Variants in PRELID3B observed in about 807,000 individuals in gnomAD.
The protein encoded by PRELID3B is PRELI domain containing protein 3B.
Under a neutral mutation model 24.0 loss-of-function variants are expected in PRELID3B, and 15 were observed. The ratio of observed to expected loss-of-function variants is 0.63; its 90% confidence interval spans 0.42 to 0.96. The LOEUF (loss-of-function observed/expected upper bound fraction) is 0.96, where lower values mean the gene tolerates loss of function less well. PRELID3B is among the 40% of genes least tolerant of loss of function. The pLI is 0.00. For synonymous variants in PRELID3B, 62 were observed against 76.0 expected, an observed-to-expected ratio of 0.82 and a Z score of 0.96; for missense variants, 189 against 236.0, an observed-to-expected ratio of 0.80 and a Z score of 1.30.
In PRELID3B at chr20:59,036,473, T is replaced by C. The variant is rs1350146419; in HGVS notation, c.463A>G (p.Lys155Glu). 1 of 1,606,626 alleles carries C rather than the reference T, an allele frequency of 6.2e-7. No individual in the cohort carries two copies. The highest frequency in any genetic ancestry group is 1.7e-5 in the Admixed American group (1 of 60,024). Reference protein sequence around the residue: ...MASTISSNASKGREAMEWVIH... With the variant: ...MASTISSNASEGREAMEWVIH... The stretch of plus-strand genomic sequence containing the variant: ...AACCAAGAAGCAGCCTCACTTACTT[T>C]ACTAGCATTTGAGGATATCGTACTT... The change falls in exon 5 of 6, where the codon AAA (lysine) becomes GAA (glutamate). Residue 155 changes from lysine (K) to glutamate (E), a missense_variant and splice_region_variant. Transcript: ENST00000355937.
chr20:59,039,486 A>G (rs562419334), intron 1 of PRELID3B, among the ~76,000 whole-genome samples: 1 of 152,368 alleles, frequency 6.6e-6, no homozygotes, highest in African/African-American at 2.4e-5. Context: ...TGTACAAAAA[A>G]TATCATTTTC....
rs1321167991 is a variant in PRELID3B at position 59,034,952 on chromosome 20, T to C, written c.*55A>G. ...GTATTTTTAAAATAACAAATAAATA[T>C]ATAGTCAGTTTGGAGAGACCTGGAG... is the stretch of plus-strand genomic sequence containing the variant. On this transcript the variant is annotated 3_prime_UTR_variant, in exon 6 of 6. Coordinates refer to ENST00000355937, the MANE Select transcript of PRELID3B (RefSeq NM_016045.3). 7.9e-6 allele frequency: 11 copies of C among 1,399,830 alleles called. No homozygotes were observed. The highest frequency in any genetic ancestry group is 7.8e-5 in the East Asian group (3 of 38,412). The allele number at this position is 1,399,830 out of a possible 1,614,324, so 86.7% of individuals were successfully genotyped here.
chr20:59,036,320 A>G (rs2092071727), intron 5 of PRELID3B, 151 bp downstream of exon 5: 1 of 618,138 alleles, frequency 1.6e-6, no homozygotes, highest in Admixed American at 2.9e-5. Flanking sequence ...ATGTGAACCC[A>G]GAGCCTTTGT....
rs34173406 is a variant in PRELID3B at position 59,034,890 on chromosome 20, C to CA, written c.*116dup. 190,482 of 657,094 alleles carry CA rather than the reference C, an allele frequency of 0.29. 9,764 individuals are homozygous for CA. The highest frequency in any genetic ancestry group is 0.38 in the Admixed American group (7,722 of 20,334). 40.7% of individuals were successfully genotyped at this position (657,094 alleles called of 1,614,324 possible). The stretch of plus-strand genomic sequence containing the variant: ...GTCACATAGCCTTACACCAACTTAT[C>CA]AAAAAAAAAAAAAAAAAAACTACCC... On this transcript the variant is annotated 3_prime_UTR_variant, in exon 6 of 6. Coordinates refer to ENST00000355937, the MANE Select transcript of PRELID3B (RefSeq NM_016045.3).
chr20:59,036,432 T>G (rs2092072631), intron 5 of PRELID3B, 39 bp downstream of exon 5: 1 of 1,450,360 alleles, frequency 6.9e-7, no homozygotes, highest in South Asian at 1.1e-5. Flanking sequence ...TCCCAGGAAA[T>G]GAACCAGGGA....
chr20:59,036,773 GA>G lies in PRELID3B; in HGVS notation c.292-14del, dbSNP rs767856307. 0.04 allele frequency: 40,291 copies of G among 1,005,214 alleles called. 1 individual carries two copies. Among genetic ancestry groups the G allele is most frequent in the South Asian group, 0.054 (2,711 of 50,306 alleles). The allele number at this position is 1,005,214 out of a possible 1,614,324, so 62.3% of individuals were successfully genotyped here. ...TTGTAAATGAAATCTACAGAATGAA[GA>G]AAAAAAAAAAAGATCAAATCATTTT... is the stretch of plus-strand genomic sequence containing the variant. On this transcript the variant is annotated splice_polypyrimidine_tract_variant and intron_variant, in intron 3 of 5. Transcript: ENST00000355937.
rs2092103038 is a variant in PRELID3B at position 59,040,506 on chromosome 20, C to A, written c.33-1872G>T. Among the ~76,000 whole-genome samples the A allele has an allele frequency of 6.6e-6, 1 of 152,204 alleles. No homozygotes were observed. The highest frequency in any genetic ancestry group is 6.5e-5 in the Admixed American group (1 of 15,286). On this transcript the variant is annotated intron_variant, in intron 1 of 5. Coordinates refer to ENST00000355937, the MANE Select transcript of PRELID3B (RefSeq NM_016045.3). This position sits in a 1 kb window ranked among gnomAD's most constrained non-coding sequence, Gnocchi z 4.1. ...TCCAAAGAACAGTGGCTGACACATACTGGGCATCTCTATAAGTTGAAGGAA... is the reference window on the plus strand; with the variant it reads ...TCCAAAGAACAGTGGCTGACACATAATGGGCATCTCTATAAGTTGAAGGAA...
chr20:59,036,749 T>G lies in PRELID3B; in HGVS notation c.303A>C (p.Thr101=). 1 of 1,581,268 alleles carries G rather than the reference T, an allele frequency of 6.3e-7. No individual in the cohort carries two copies. The change falls in exon 4 of 6, where the codon ACA becomes ACC. Residue 101 remains threonine (T), a synonymous_variant. Transcript: ENST00000355937. ...GTCTCTCATCTACTGAAACCATGTT[T>G]GTAAATGAAATCTACAGAATGAAGA... ...MELKSTNISF[T]NMVSVDERLI... is the part of the protein sequence containing the mutation.
At chr20:59,038,669 T>TC (rs2092091780) in intron 1 of PRELID3B, 35 bp from the exon 2 acceptor site, 2 of 1,189,824 alleles carry the variant, frequency 1.7e-6, no homozygotes, top group African/African-American at 1.6e-5. Flanking sequence ...AAAAAAAAAA[T>TC]TCAGACATTT....
intron 1 of PRELID3B, 76 bp downstream of exon 1, chr20:59,042,623 G>A: frequency 6.6e-7 from 1 of 1,508,418 alleles, no homozygotes; most frequent in Non-Finnish European, 9.0e-7. Context: ...GCCTCCTGCG[G>A]GCCGCCTCTG....
At position 59,036,349 on chromosome 20, in the gene PRELID3B, C is replaced by T. The variant is rs1420344269; in HGVS notation, c.465+122G>A. On this transcript the variant is annotated intron_variant, in intron 5 of 5. Coordinates refer to ENST00000355937, the MANE Select transcript of PRELID3B (RefSeq NM_016045.3). ...CCTTTGTAAGTAACTGCCCAACGTG[C>T]TGCAGTTTCCTATGGTAGAATGGGC... 7 of 716,880 alleles carry T rather than the reference C, an allele frequency of 9.8e-6. No individual in the cohort carries two copies. In the South Asian group the frequency reaches 1.2e-4, roughly 12 times the overall value. The allele number at this position is 716,880 out of a possible 1,614,324, so 44.4% of individuals were successfully genotyped here. A position where few individuals can be genotyped will look rare whatever the true frequency, so the allele number is the denominator to read the frequency against.
intron 5 of PRELID3B, among the ~76,000 whole-genome samples, chr20:59,035,905 A>G (rs1157695521): frequency 6.6e-6 from 1 of 152,196 alleles, no homozygotes; most frequent in Non-Finnish European, 1.5e-5. Context: ...AGTGCATGGC[A>G]TCTTTCTCTA....
intron 1 of PRELID3B, among the ~76,000 whole-genome samples, chr20:59,041,136 C>G (rs188670734): frequency 6.6e-6 from 1 of 152,006 alleles, no homozygotes; most frequent in Non-Finnish European, 1.5e-5. Flanking sequence ...GACTGAGTGC[C>G]GAGAACCTCT....
Position 59,040,836 on chromosome 20 carries a change from T to C in PRELID3B, c.32+1863A>G, listed in dbSNP as rs996583065. Among the ~76,000 whole-genome samples, 1 of 152,132 alleles carries C rather than the reference T, an allele frequency of 6.6e-6. No individual in the cohort carries two copies. Among genetic ancestry groups the C allele is most frequent in the Non-Finnish European group, 1.5e-5 (1 of 68,032 alleles). On this transcript the variant is annotated intron_variant, in intron 1 of 5. Coordinates refer to ENST00000355937, the MANE Select transcript of PRELID3B (RefSeq NM_016045.3). This position sits in a 1 kb window ranked among gnomAD's most constrained non-coding sequence, Gnocchi z 4.1. ...GGGTGCCATAAATGTATACCTATCA[T>C]TTGGGACTTTGACCAAACAGCTCAG... is the stretch of plus-strand genomic sequence containing the variant.
chr20:59,038,786 G>A, intron 1 of PRELID3B, 152 bp from the exon 2 acceptor site: 1 of 1,028,854 alleles, frequency 9.7e-7, no homozygotes, highest in Non-Finnish European at 1.3e-6. Context: ...AAACACTGAT[G>A]ATTATGGGAA....
Position 59,037,267 on chromosome 20 carries a change from G to C in PRELID3B, c.215C>G (p.Ala72Gly), listed in dbSNP as rs1568697667. The change falls in exon 3 of 6, where the codon GCA becomes GGA. Residue 72 changes from alanine to glycine, a missense_variant. Physicochemically the swap from Ala to Gly is moderately conservative, Grantham distance 60. Transcript: ENST00000355937. The part of the protein sequence containing the change: ...PSIVKSLIGA[A>G]RTKTYVQEHS... ...TTCTTGCACATATGTTTTCGTTCTT[G>C]CTGCACCAATAAGCTAAGTAAAACA... The C allele has an allele frequency of 1.2e-6, 2 of 1,613,188 alleles. No individual in the cohort carries two copies. The highest frequency in any genetic ancestry group is 1.7e-6 in the Non-Finnish European group (2 of 1,179,210).
Position 59,034,020 on chromosome 20 carries a change from T to C in PRELID3B, c.*987A>G, listed in dbSNP as rs1481108335. 1 of 152,188 alleles carries C rather than the reference T, an allele frequency of 6.6e-6. No individual in the cohort carries two copies. The highest frequency in any genetic ancestry group is 1.5e-5 in the Non-Finnish European group (1 of 68,034). The allele number at this position is 152,188 out of a possible 1,614,324, so 9.4% of individuals were successfully genotyped here. A position where few individuals can be genotyped will look rare whatever the true frequency, so the allele number is the denominator to read the frequency against. ...GCACCATATTATTAAAAACACTAAG[T>C]ACCTGGGATTTATGCCTCAGAGCAA... On this transcript the variant is annotated 3_prime_UTR_variant, in exon 6 of 6. Coordinates refer to ENST00000355937, the MANE Select transcript of PRELID3B (RefSeq NM_016045.3).
At chr20:59,041,956 T>A (rs972782268) in intron 1 of PRELID3B, among the ~76,000 whole-genome samples, 18 of 152,192 alleles carry the variant, frequency 1.2e-4, no homozygotes, top group African/African-American at 4.3e-4. Flanking sequence ...AATATAATTC[T>A]CCACATCCAA....
rs34173406 is a variant in PRELID3B at position 59,034,890 on chromosome 20, C to CAAA, written c.*114_*116dup. The CAAA allele has an allele frequency of 0.017, 11,499 of 662,556 alleles. 4 individuals are homozygous for CAAA. Among genetic ancestry groups the CAAA allele is most frequent in the East Asian group, 0.052 (1,345 of 25,728 alleles). 41.0% of individuals were successfully genotyped at this position (662,556 alleles called of 1,614,324 possible). A position where few individuals can be genotyped will look rare whatever the true frequency, so the allele number is the denominator to read the frequency against. ...GTCACATAGCCTTACACCAACTTAT[C>CAAA]AAAAAAAAAAAAAAAAAAACTACCC... On this transcript the variant is annotated 3_prime_UTR_variant, in exon 6 of 6. Coordinates refer to ENST00000355937, the MANE Select transcript of PRELID3B (RefSeq NM_016045.3).
Sources: gnomAD v4.1 joint callset for allele counts (sites outside exome capture counted in the v4.1 genomes callset) on GRCh38, gnomAD v4.1.1 for gene constraint, Gnocchi (gnomAD v3.1) non-coding constraint, MANE v1.5 for transcripts, NCBI Gene and HGNC (gene_info 2026-07-23, HGNC 2026-07-21) for gene names.